MYOM3: variants seen among roughly 807,000 people sequenced by gnomAD.
MYOM3 encodes the protein myomesin-3.
A neutral mutation model predicts 191.7 loss-of-function variants in MYOM3; 155 were observed. That is an observed-to-expected ratio of 0.81 (90% CI 0.71 to 0.92). The LOEUF is 0.92. Ranked by LOEUF, MYOM3 falls within the 40% of genes least tolerant of loss-of-function variation. MYOM3 has a pLI of 0.00. For synonymous variants in MYOM3, 757 were observed against 762.9 expected (o/e 0.99, Z 0.13); for missense variants, 1,889 against 1,890.6 (o/e 1.00, Z 0.02).
At chr1:24,078,616 C>T (rs1643630569) in intron 20 of MYOM3, among the ~76,000 whole-genome samples, 1 of 152,168 alleles carries the variant, frequency 6.6e-6, no homozygotes, top group African/African-American at 2.4e-5. Flanking sequence ...GGGAAAAGCA[C>T]CCAGGAAAAT....
chr1:24,080,312 G>T, intron 19 of MYOM3, 118 bp from the exon 20 acceptor site: 2 of 770,410 alleles, frequency 2.6e-6, no homozygotes. Flanking sequence ...TCACAGTCAA[G>T]CCAGGAAGGG....
chr1:24,062,344 G>C (rs192903030), intron 32 of MYOM3, among the ~76,000 whole-genome samples: 153 of 152,268 alleles, frequency 1.0e-3, no homozygotes, highest in Admixed American at 4.3e-3. Flanking sequence ...GCTGTCCTCT[G>C]TTCCCAGTGT....
chr1:24,107,384 G>T, intron 3 of MYOM3, 152 bp from the exon 4 acceptor site: 1 of 641,306 alleles, frequency 1.6e-6, no homozygotes, highest in Non-Finnish European at 2.6e-6. Flanking sequence ...CTCCAAAACA[G>T]CCTGGAAGGG....
At position 24,082,105 on chromosome 1, in the gene MYOM3, G is replaced by A. The variant is rs369571711; in HGVS notation, c.2176C>T (p.Arg726Cys). The change falls in exon 18 of 37, where the codon CGT (arginine) becomes TGT (cysteine). Residue 726 changes from arginine (R) to cysteine (C), a missense_variant. Arg to Cys is a radical substitution (Grantham distance 180). Transcript: ENST00000374434. ...TAGCCCAGGATCTTGCCACCTCCAC[G>A]ACGCTTGGGGGGTTTCCACCCAATG... ...MVIGWKPPKR[R>C]GGGKILGYFL... 7.4e-6 allele frequency: 12 copies of A among 1,613,542 alleles called. No homozygotes were observed. In the African/African-American group the frequency reaches 1.3e-4, roughly 18 times the overall value.
chr1:24,077,061 A>AGGTCACTATGTTGGCCAGGCTGGTC (rs1643610147), intron 20 of MYOM3, among the ~76,000 whole-genome samples: 1 of 98,652 alleles, frequency 1.0e-5, no homozygotes. Context: ...ACCTCAGGTG[A>AGGTCACTATGTTGGCCAGGCTGGTC]TCCACCCCCC....
chr1:24,090,860 C>CGCT lies in MYOM3; in HGVS notation c.1366_1368dup (p.Ser456dup). ...ACCAACTCTGAGGCCTTGGAGGGGA[C>CGCT]GCTGCTGCCTACCCTGCTGATGGCT... On this transcript the variant is annotated inframe_insertion, in exon 12 of 37. Coordinates refer to ENST00000374434, the MANE Select transcript of MYOM3 (RefSeq NM_152372.4). 6.2e-7 allele frequency: 1 copy of CGCT among 1,614,138 alleles called. No individual in the cohort carries two copies. Among genetic ancestry groups the CGCT allele is most frequent in the Non-Finnish European group, 8.5e-7 (1 of 1,180,004 alleles).
intron 33 of MYOM3, 113 bp from the exon 34 acceptor site, chr1:24,061,422 C>T (rs1643368606): frequency 2.8e-6 from 3 of 1,063,230 alleles, no homozygotes; most frequent in South Asian, 2.7e-5. Flanking sequence ...ACTCTCCTCC[C>T]CATGCCGATG....
In MYOM3 at chr1:24,107,117, G is replaced by A. The variant is rs368213156; in HGVS notation, c.358C>T (p.Arg120Trp). Residue 120 changes from arginine to tryptophan, a missense_variant, in exon 4 of 37, where the codon CGG becomes TGG. Coordinates refer to ENST00000374434, the MANE Select transcript of MYOM3 (RefSeq NM_152372.4). ...CAGTCCCGCCTCTGGCGCAGCAGCCGGTGGGTCTGCAGGAAGGCGATCTCA... is the reference window on the plus strand; with the variant it reads ...CAGTCCCGCCTCTGGCGCAGCAGCCAGTGGGTCTGCAGGAAGGCGATCTCA... ...RTEIAFLQTH[R>W]LLRQRRDWKT... The A allele has an allele frequency of 1.7e-5, 27 of 1,612,316 alleles. No individual in the cohort carries two copies. The highest frequency in any genetic ancestry group is 1.5e-4 in the African/African-American group (11 of 74,994).
At chr1:24,081,274 A>T in intron 19 of MYOM3, 56 bp downstream of exon 19, 1 of 1,601,638 alleles carries the variant, frequency 6.2e-7, no homozygotes, top group South Asian at 1.1e-5. Context: ...CTCATTGGGT[A>T]GGTTTGGGAA....
chr1:24,076,371 C>G (rs1459454122), intron 20 of MYOM3, 98 bp from the exon 21 acceptor site: 2 of 803,986 alleles, frequency 2.5e-6, no homozygotes, highest in African/African-American at 1.7e-5. Context: ...TAAGAAAACC[C>G]TCTCCCTTCT....
At position 24,097,962 on chromosome 1, in the gene MYOM3, G is replaced by A. The variant is rs2148558784; in HGVS notation, c.706C>T (p.His236Tyr). Residue 236 changes from histidine (H) to tyrosine (Y), a missense_variant, in exon 7 of 37, where the codon CAC (histidine) becomes TAC (tyrosine). By Grantham distance (83) the His-to-Tyr change is moderately conservative (BLOSUM62 2). Coordinates refer to ENST00000374434, the MANE Select transcript of MYOM3 (RefSeq NM_152372.4). ...ATYTVRVKNA[H>Y]GQASSFAKVL... ...TTGGCGAAGGAGGAGGCCTGGCCGT[G>A]GGCGTTCTTCACTCGCACAGTGTAA... 1 of 1,613,994 alleles carries A rather than the reference G, an allele frequency of 6.2e-7. No homozygotes were observed. Among genetic ancestry groups the A allele is most frequent in the Non-Finnish European group, 8.5e-7 (1 of 1,179,848 alleles).
At chr1:24,060,692 G>A (rs1478882167) in intron 35 of MYOM3, among the ~76,000 whole-genome samples, 1 of 152,134 alleles carries the variant, frequency 6.6e-6, no homozygotes, top group East Asian at 1.9e-4. Context: ...GCTTCATCCT[G>A]GATTCGATGA....
At position 24,073,246 on chromosome 1, in the gene MYOM3, G is replaced by C. The variant is rs1043447827; in HGVS notation, c.2968+914C>G. On this transcript the variant is annotated intron_variant, in intron 23 of 36. Transcript: ENST00000374434. ...TGGAATTGGAACCTGGGTCTCTCTG[G>C]CTTCTGTTTCTTAACAAAATCAAAA... Among the ~76,000 whole-genome samples the C allele has an allele frequency of 1.6e-4, 24 of 152,268 alleles. No individual in the cohort carries two copies. In the East Asian group the frequency reaches 4.4e-3, roughly 28 times the overall value.
rs574246846 is a variant in MYOM3, at chr1:24,085,147, T to G, written c.1799-508A>C. ...ATGGATGGATGGATGGATGGACAGA[T>G]GGATGCATGGACAGGTGGATACATG... is the stretch of plus-strand genomic sequence containing the variant. On this transcript the variant is annotated intron_variant, in intron 15 of 36. Coordinates refer to ENST00000374434, the MANE Select transcript of MYOM3 (RefSeq NM_152372.4). Among the ~76,000 whole-genome samples the G allele has an allele frequency of 2.0e-5, 3 of 146,834 alleles. 1 individual carries two copies. The South Asian group carries it at 6.4e-4, about 31-fold the overall frequency.
At chr1:24,076,503 G>GTTTCTTT (rs1643601307) in intron 20 of MYOM3, among the ~76,000 whole-genome samples, 2 of 65,392 alleles carry the variant, frequency 3.1e-5, no homozygotes, top group African/African-American at 9.8e-5. Context: ...TTTCCCTAAT[G>GTTTCTTT]TTTCTTTTTT....
chr1:24,059,793 G>T (rs900877568), intron 35 of MYOM3, among the ~76,000 whole-genome samples: 6 of 152,232 alleles, frequency 3.9e-5, no homozygotes, highest in African/African-American at 1.4e-4. Context: ...CCACTAAGCA[G>T]AAATCTGGTC....
In MYOM3 at chr1:24,081,286, G is replaced by T. The variant is rs772267381; in HGVS notation, c.2407+44C>A. 3 of 1,608,980 alleles carry T rather than the reference G, an allele frequency of 1.9e-6. No individual in the cohort carries two copies. In the South Asian group the frequency reaches 3.3e-5, roughly 18 times the overall value. ...CATCTCATTGGGTAGGTTTGGGAAG[G>T]AGGGAAGGGCAGGCACTGGACTTCA... is the stretch of plus-strand genomic sequence containing the variant. On this transcript the variant is annotated intron_variant, in intron 19 of 36. Coordinates refer to ENST00000374434, the MANE Select transcript of MYOM3 (RefSeq NM_152372.4).
intron 5 of MYOM3, among the ~76,000 whole-genome samples, chr1:24,102,401 A>G (rs1053833244): frequency 6.6e-6 from 1 of 152,024 alleles, no homozygotes; most frequent in Non-Finnish European, 1.5e-5. Context: ...CTTTTCCTGG[A>G]AAAAGCAGCT....
At chr1:24,070,684 A>T (rs934508702) in intron 25 of MYOM3, among the ~76,000 whole-genome samples, 1 of 152,232 alleles carries the variant, frequency 6.6e-6, no homozygotes, top group Non-Finnish European at 1.5e-5. Context: ...AACCTGGTCA[A>T]CATAGTGAGT....
Sources: allele counts gnomAD v4.1 joint callset (sites outside exome capture counted in the v4.1 genomes callset), GRCh38; gene constraint gnomAD v4.1.1; transcripts MANE v1.5; gene names NCBI Gene and HGNC (gene_info 2026-07-23, HGNC 2026-07-21).